Variants in CDHR3 observed in about 807,000 individuals in gnomAD.
CDHR3 encodes the protein cadherin-related family member 3.
CDHR3 carries 79 observed loss-of-function variants against 86.6 expected under a neutral mutation model. That is an observed-to-expected ratio of 0.91 (90% CI 0.76 to 1.10). The LOEUF (loss-of-function observed/expected upper bound fraction) is 1.10, where lower values mean the gene tolerates loss of function less well. Among genes scored for constraint, CDHR3 ranks in the 50% least tolerant of loss-of-function variants. CDHR3 has a pLI of 0.00. For missense variants in CDHR3, 1,081 were observed against 1,077.6 expected (o/e 1.00, Z -0.04); for synonymous variants, 421 against 402.4 (o/e 1.05, Z -0.55).
intron 3 of CDHR3, among the ~76,000 whole-genome samples, chr7:105,982,929 G>A (rs955926818): frequency 8.1e-5 from 12 of 148,906 alleles, no homozygotes; most frequent in African/African-American, 2.7e-4. Context: ...GCTGCAGTGA[G>A]CTATGTTTGT....
At chr7:106,014,109 C>T (rs552785546) in intron 9 of CDHR3, among the ~76,000 whole-genome samples, 6 of 152,164 alleles carry the variant, frequency 3.9e-5, no homozygotes, top group South Asian at 2.1e-4. Context: ...TACAGGAGTG[C>T]GCCACTGTGC....
intron 13 of CDHR3, among the ~76,000 whole-genome samples, chr7:106,020,777 T>C (rs989386350): frequency 1.3e-5 from 2 of 152,138 alleles, no homozygotes; most frequent in African/African-American, 4.8e-5. Context: ...CATGCCTCAT[T>C]GCACCCAGCT....
At position 106,030,483 on chromosome 7, in the gene CDHR3, C is replaced by T. The variant is rs2115928881; in HGVS notation, c.2305-309C>T. On this transcript the variant is annotated intron_variant, in intron 17 of 18. Transcript: ENST00000317716. This position sits in a 1 kb window ranked among gnomAD's most constrained non-coding sequence, Gnocchi z 4.8. ...CAGATTTTATTTACTCAGGATGCTTCCTTAACCCCCAAGTGTGGTTTAAAT... is the reference window on the plus strand; with the variant it reads ...CAGATTTTATTTACTCAGGATGCTTTCTTAACCCCCAAGTGTGGTTTAAAT... Among the ~76,000 whole-genome samples, 2 of 152,340 alleles carry T rather than the reference C, an allele frequency of 1.3e-5. No homozygotes were observed. Among genetic ancestry groups the T allele is most frequent in the Middle Eastern group, 3.4e-3 (1 of 294 alleles).
chr7:105,989,024 C>T (rs1317413008), intron 4 of CDHR3, among the ~76,000 whole-genome samples: 6 of 152,204 alleles, frequency 3.9e-5, no homozygotes, highest in Admixed American at 6.5e-5. Context: ...GTAGTGGCTA[C>T]TGCATTGGCC....
intron 17 of CDHR3, among the ~76,000 whole-genome samples, chr7:106,028,944 C>CTTTCTTTT (rs1563312083): frequency 2.1e-5 from 3 of 140,852 alleles, no homozygotes; most frequent in Non-Finnish European, 3.1e-5. Flanking sequence ...TTCTTTCTTT[C>CTTTCTTTT]TTTCTTTCTT....
intron 17 of CDHR3, among the ~76,000 whole-genome samples, chr7:106,028,948 C>CTTTCTTTTTTTT (rs1484020924): frequency 6.9e-6 from 1 of 144,688 alleles, no homozygotes; most frequent in Non-Finnish European, 1.5e-5. Context: ...TTCTTTCTTT[C>CTTTCTTTTTTTT]TTTCTTTCTT....
intron 8 of CDHR3, among the ~76,000 whole-genome samples, chr7:106,008,102 A>G (rs1054598692): frequency 6.6e-6 from 1 of 152,182 alleles, no homozygotes; most frequent in Admixed American, 6.5e-5. Flanking sequence ...TCACAAGAAC[A>G]GCACAGGAAA....
At position 105,974,990 on chromosome 7, in the gene CDHR3, T is replaced by C. The variant is rs746434216; in HGVS notation, c.193T>C (p.Ser65Pro). 4 of 1,613,954 alleles carry C rather than the reference T, an allele frequency of 2.5e-6. No individual in the cohort carries two copies. The highest frequency in any genetic ancestry group is 3.4e-6 in the Non-Finnish European group (4 of 1,179,846). ...VIPGFPQIVN[S>P]NPLTEAFRVN... is the part of the protein sequence containing the mutation. ...CCCAGGATTTCCCCAGATAGTCAAC[T>C]CAAATCCCCTCACTGAAGCTTTTAG... The change falls in exon 2 of 19, where the codon TCA becomes CCA. Residue 65 changes from serine (S) to proline (P), a missense_variant. Physicochemically the swap from Ser to Pro is moderately conservative, Grantham distance 74 (BLOSUM62 -1). Coordinates refer to ENST00000317716, the MANE Select transcript of CDHR3 (RefSeq NM_152750.5).
In CDHR3 at chr7:106,030,794, A is replaced by G. The variant is rs771981355; in HGVS notation, c.2307A>G (p.Glu769=). The G allele has an allele frequency of 1.9e-5, 31 of 1,610,856 alleles. No individual in the cohort carries two copies. In the Admixed American group the frequency reaches 5.2e-4, roughly 27 times the overall value. ...TKTAERDVVV[E]TIQMNTIFDG... ...TGCTGTCTCTGTCTTCTCCTTAGGA[A>G]ACTATCCAGATGAACACTATCTTTG... Residue 769 remains glutamate (E), a splice_region_variant and synonymous_variant, in exon 18 of 19, where the codon GAA becomes GAG. Coordinates refer to ENST00000317716, the MANE Select transcript of CDHR3 (RefSeq NM_152750.5). This position sits in a 1 kb window ranked among gnomAD's most constrained non-coding sequence, Gnocchi z 4.8.
chr7:105,975,578 T>C (rs1045913117), intron 2 of CDHR3, among the ~76,000 whole-genome samples: 2 of 152,226 alleles, frequency 1.3e-5, no homozygotes, highest in Non-Finnish European at 2.9e-5. Context: ...GAGCCAACCA[T>C]TGACATTCAA....
At chr7:106,022,087 C>A in intron 13 of CDHR3, 111 bp from the exon 14 acceptor site, 2 of 1,338,176 alleles carry the variant, frequency 1.5e-6, no homozygotes, top group Non-Finnish European at 2.1e-6. Flanking sequence ...ACAGTCTACA[C>A]TTGAGGTGTG....
chr7:106,009,178 C>A (rs1290225133), intron 8 of CDHR3, among the ~76,000 whole-genome samples: 1 of 152,188 alleles, frequency 6.6e-6, no homozygotes, highest in East Asian at 1.9e-4. Flanking sequence ...GATAATCTAA[C>A]CAAGGCTCAA....
intron 4 of CDHR3, among the ~76,000 whole-genome samples, 158 bp downstream of exon 4, chr7:105,984,447 T>C (rs1449898458): frequency 6.6e-6 from 1 of 152,062 alleles, no homozygotes; most frequent in Non-Finnish European, 1.5e-5. Flanking sequence ...TTGGAATGAA[T>C]AAAGGGGCTC....
At position 106,012,852 on chromosome 7, in the gene CDHR3, T is replaced by C; in HGVS notation, c.1053-8T>C. The C allele has an allele frequency of 6.3e-7, 1 of 1,591,624 alleles. No individual in the cohort carries two copies. The highest frequency in any genetic ancestry group is 1.2e-5 in the South Asian group (1 of 86,856). On this transcript the variant is annotated splice_region_variant and splice_polypyrimidine_tract_variant and intron_variant, in intron 8 of 18. Transcript: ENST00000317716. ...TGGGGGAAATACTGGATTGTGTCTT[T>C]TCACCAGCATTATGGTGCCGGAAAG...
At chr7:105,984,361 T>C in intron 4 of CDHR3, 72 bp downstream of exon 4, 1 of 1,218,756 alleles carries the variant, frequency 8.2e-7, no homozygotes. Flanking sequence ...CTGTCCTGAG[T>C]CTTGGCGGGG....
At chr7:106,022,150 C>G in intron 13 of CDHR3, 48 bp from the exon 14 acceptor site, 1 of 1,603,188 alleles carries the variant, frequency 6.2e-7, no homozygotes, top group Non-Finnish European at 8.5e-7. Flanking sequence ...TTATTTCTTA[C>G]TCTCTTTTCT....
At chr7:105,985,763 G>A (rs1830433410) in intron 4 of CDHR3, among the ~76,000 whole-genome samples, 1 of 152,092 alleles carries the variant, frequency 6.6e-6, no homozygotes, top group African/African-American at 2.4e-5. Flanking sequence ...TATGTGTTAA[G>A]AGCAATACTA....
chr7:105,966,962 T>A (rs566960809), intron 1 of CDHR3, among the ~76,000 whole-genome samples: 1,952 of 151,670 alleles, frequency 0.013, 12 homozygotes, highest in Non-Finnish European at 0.019. Flanking sequence ...CTTTTTTTTT[T>A]TTATTATTAT....
rs769443560 is a variant in CDHR3 at position 106,012,907 on chromosome 7, T to C, written c.1100T>C (p.Leu367Pro). 1 of 1,613,590 alleles carries C rather than the reference T, an allele frequency of 6.2e-7. No individual in the cohort carries two copies. The change falls in exon 9 of 19, where the codon CTA becomes CCA. Residue 367 changes from leucine to proline, a missense_variant. Coordinates refer to ENST00000317716, the MANE Select transcript of CDHR3 (RefSeq NM_152750.5). The part of the protein sequence containing the change: ...RTAKGTLLLD[L>P]NKFCFDDDSE... ...GCCAAGGGGACGTTGCTTCTTGACC[T>C]AAACAAGTTCTGCTTTGATGATGAC...
Sources: gnomAD v4.1 joint callset for allele counts (sites outside exome capture counted in the v4.1 genomes callset) on GRCh38, gnomAD v4.1.1 for gene constraint, Gnocchi (gnomAD v3.1) non-coding constraint, MANE v1.5 for transcripts, NCBI Gene and HGNC (gene_info 2026-07-23, HGNC 2026-07-21) for gene names.